The following CIT variants were observed in gnomAD, a reference collection of about 807,000 sequenced individuals.
CIT encodes citron Rho-interacting kinase.
CIT carries 79 observed loss-of-function variants against 272.7 expected under a neutral mutation model. That is an observed-to-expected ratio of 0.29 (90% CI 0.24 to 0.35). CIT has a LOEUF of 0.35. Among genes scored for constraint, CIT ranks in the 10% least tolerant of loss-of-function variants. The pLI, the probability that CIT is intolerant of heterozygous loss-of-function variation, is 1.00. For missense variants in CIT, 1,909 were observed against 2,618.3 expected, an observed-to-expected ratio of 0.73 and a Z score of 5.91; for synonymous variants, 948 against 995.6, an observed-to-expected ratio of 0.95 and a Z score of 0.90.
In CIT at chr12:119,712,459, C is replaced by G. The variant is rs948778040; in HGVS notation, c.4685-112G>C. On this transcript the variant is annotated intron_variant, in intron 36 of 47. Transcript: ENST00000392521. The surrounding 1 kb of genome is among the most constrained non-coding windows in gnomAD (Gnocchi z 5.2). ...ACCAAACCACGCAAATCCCAGTTACCGCCAAGGCGGGGAGCGGAGGAAGAT... is the reference window on the plus strand; with the variant it reads ...ACCAAACCACGCAAATCCCAGTTACGGCCAAGGCGGGGAGCGGAGGAAGAT... 7.8e-6 allele frequency: 11 copies of G among 1,418,056 alleles called. No individual in the cohort carries two copies. The highest frequency in any genetic ancestry group is 1.4e-5 in the African/African-American group (1 of 70,322). 87.8% of individuals were successfully genotyped at this position (1,418,056 alleles called of 1,614,324 possible).
chr12:119,773,583 G>A (rs148622373), intron 16 of CIT, among the ~76,000 whole-genome samples: 7 of 152,008 alleles, frequency 4.6e-5, no homozygotes, highest in South Asian at 2.1e-4. Flanking sequence ...ACAGGCATGC[G>A]CCACCACATC....
At chr12:119,863,792 A>T (rs1321100289) in intron 3 of CIT, among the ~76,000 whole-genome samples, 1 of 151,462 alleles carries the variant, frequency 6.6e-6, no homozygotes, top group Non-Finnish European at 1.5e-5. Context: ...GGCCTCCCAA[A>T]GTGCTAGGAT....
At chr12:119,707,522 CTGT>C (rs1449364895) in intron 40 of CIT, among the ~76,000 whole-genome samples, 1 of 147,944 alleles carries the variant, frequency 6.8e-6, no homozygotes, top group Non-Finnish European at 1.5e-5. Context: ...CCATTGCAAT[CTGT>C]TTTTTTTTTC....
In CIT at chr12:119,776,444, C is replaced by T. The variant is rs1241178407; in HGVS notation, c.1837-36G>A. On this transcript the variant is annotated intron_variant, in intron 14 of 47. Coordinates refer to ENST00000392521, the MANE Select transcript of CIT (RefSeq NM_001206999.2). ...AAAGACACAACATATTGGGAAATCT[C>T]AACAACCTAAAAAAGTCGTGTAGAC... 4 of 1,589,512 alleles carry T rather than the reference C, an allele frequency of 2.5e-6. No homozygotes were observed. In the South Asian group the frequency reaches 4.5e-5, roughly 18 times the overall value.
chr12:119,807,347 T>C (rs1454812554), intron 9 of CIT, among the ~76,000 whole-genome samples: 1 of 152,256 alleles, frequency 6.6e-6, no homozygotes, highest in Admixed American at 6.5e-5. Flanking sequence ...TTAAGGATTG[T>C]GTAAAATCTG....
intron 23 of CIT, among the ~76,000 whole-genome samples, chr12:119,746,470 A>C (rs1288205371): frequency 6.6e-6 from 1 of 152,226 alleles, no homozygotes; most frequent in Non-Finnish European, 1.5e-5. Flanking sequence ...TCAAAAACAG[A>C]AACAGGAAGC....
intron 10 of CIT, among the ~76,000 whole-genome samples, chr12:119,785,904 A>G (rs1964747891): frequency 6.6e-6 from 1 of 152,108 alleles, no homozygotes; most frequent in African/African-American, 2.4e-5. Context: ...TGACCTCCAG[A>G]ACTGTAAAAT....
chr12:119,830,533 T>C (rs1968540861), intron 7 of CIT, among the ~76,000 whole-genome samples: 1 of 152,170 alleles, frequency 6.6e-6, no homozygotes, highest in Non-Finnish European at 1.5e-5. Context: ...TGCAAACACA[T>C]ATTCCTGTCT....
intron 9 of CIT, among the ~76,000 whole-genome samples, chr12:119,811,924 T>C (rs891167294): frequency 6.6e-6 from 1 of 151,124 alleles, no homozygotes; most frequent in South Asian, 2.1e-4. Flanking sequence ...TTTTTCACCC[T>C]GGTGGATATT....
chr12:119,701,804 C>T (rs771060145), intron 42 of CIT, 46 bp downstream of exon 42: 13 of 1,614,022 alleles, frequency 8.1e-6, no homozygotes, highest in African/African-American at 1.3e-5. Flanking sequence ...TGAGTCTCAG[C>T]GCGGCCTGAG....
chr12:119,758,255 G>A (rs557156631), intron 21 of CIT, among the ~76,000 whole-genome samples: 2 of 152,232 alleles, frequency 1.3e-5, no homozygotes, highest in East Asian at 3.9e-4. Context: ...GGCCCAACTG[G>A]GCACACACAA....
chr12:119,757,660 AG>A (rs1961190577), intron 21 of CIT, 115 bp from the exon 22 acceptor site: 1 of 1,325,432 alleles, frequency 7.5e-7, no homozygotes, highest in Non-Finnish European at 1.0e-6. Flanking sequence ...TAAGTGGACT[AG>A]GGCCATTCCT....
At chr12:119,749,895 T>C (rs1219778459) in intron 23 of CIT, among the ~76,000 whole-genome samples, 1 of 152,206 alleles carries the variant, frequency 6.6e-6, no homozygotes, top group African/African-American at 2.4e-5. Flanking sequence ...CAGTGACACG[T>C]GCTCTATTTT....
intron 3 of CIT, among the ~76,000 whole-genome samples, chr12:119,859,461 G>A (rs979166518): frequency 3.3e-5 from 5 of 152,144 alleles, no homozygotes; most frequent in Admixed American, 3.3e-4. Flanking sequence ...ACCACAGTCA[G>A]TGAGTGGCAT....
At chr12:119,853,324 CAA>C (rs199867661) in intron 4 of CIT, among the ~76,000 whole-genome samples, 7,824 of 82,594 alleles carry the variant, frequency 0.095, 383 homozygotes, top group African/African-American at 0.2. Flanking sequence ...ACTCTGTCTC[CAA>C]AAAAAAAAAA....
rs754796869 is a variant in CIT at position 119,784,788 on chromosome 12, G to A, written c.1401+172C>T. 40 of 1,429,860 alleles carry A rather than the reference G, an allele frequency of 2.8e-5. No homozygotes were observed. The highest frequency in any genetic ancestry group is 1.3e-4 in the South Asian group (8 of 63,308). The allele number at this position is 1,429,860 out of a possible 1,614,324, so 88.6% of individuals were successfully genotyped here. On this transcript the variant is annotated intron_variant, in intron 11 of 47. Transcript: ENST00000392521. The surrounding 1 kb of genome is among the most constrained non-coding windows in gnomAD (Gnocchi z 4.7). Reference sequence around the variant, plus strand: ...AGGATTTACAGCAACAGCAAGGCCCGAATTCATCTCCCTCTGAGCTGCTGG... The same window carrying A: ...AGGATTTACAGCAACAGCAAGGCCCAAATTCATCTCCCTCTGAGCTGCTGG...
chr12:119,756,260 C>T (rs1048377879), intron 22 of CIT, among the ~76,000 whole-genome samples: 3 of 152,246 alleles, frequency 2.0e-5, no homozygotes, highest in East Asian at 1.9e-4. Context: ...TTGGACAAAA[C>T]GCACAAAGTA....
chr12:119,731,500 C>G (rs1288727904), intron 26 of CIT, among the ~76,000 whole-genome samples: 1 of 144,440 alleles, frequency 6.9e-6, no homozygotes, highest in African/African-American at 2.5e-5. Context: ...AAAGAAAAAA[C>G]AAAAGTGAAA....
chr12:119,875,768 G>C (rs745673656), intron 2 of CIT, among the ~76,000 whole-genome samples: 1 of 152,102 alleles, frequency 6.6e-6, no homozygotes, highest in Non-Finnish European at 1.5e-5. Context: ...GATCACTTGA[G>C]GTCAGGAGTT....
Sources: allele counts gnomAD v4.1 joint callset (sites outside exome capture counted in the v4.1 genomes callset), GRCh38; gene constraint gnomAD v4.1.1; non-coding constraint Gnocchi (gnomAD v3.1); transcripts MANE v1.5; gene names NCBI Gene and HGNC (gene_info 2026-07-23, HGNC 2026-07-21).